The following POU6F2 variants were observed in gnomAD, a reference collection of about 807,000 sequenced individuals.
POU6F2 encodes POU class 6 homeobox 2.
In POU6F2, 31 loss-of-function variants were observed where a neutral mutation model predicts 71.3. The observed-to-expected ratio is 0.43, with a 90% confidence interval of 0.33 to 0.59. The LOEUF (loss-of-function observed/expected upper bound fraction) is 0.59. Among genes scored for constraint, POU6F2 ranks in the 20% least tolerant of loss-of-function variants. The pLI is 0.04. For synonymous variants in POU6F2, 347 were observed against 355.7 expected, an observed-to-expected ratio of 0.98 and a Z score of 0.27; for missense variants, 783 against 856.8, an observed-to-expected ratio of 0.91 and a Z score of 1.07.
At chr7:39,338,227 C>A (rs1785822974) in intron 4 of POU6F2, among the ~76,000 whole-genome samples, 1 of 152,172 alleles carries the variant, frequency 6.6e-6, no homozygotes, top group Non-Finnish European at 1.5e-5. Context: ...TGCAGAAGAT[C>A]TAGGGAGGTC....
At chr7:39,439,976 A>G (rs1207439749) in intron 7 of POU6F2, among the ~76,000 whole-genome samples, 12 of 152,144 alleles carry the variant, frequency 7.9e-5, no homozygotes, top group Non-Finnish European at 1.6e-4. Context: ...TCTAGATTGA[A>G]AATTCTTTTC....
chr7:39,283,208 GATTATGTCATCC>G (rs879292323), intron 4 of POU6F2, among the ~76,000 whole-genome samples: 3 of 152,006 alleles, frequency 2.0e-5, no homozygotes, highest in Non-Finnish European at 4.4e-5. Context: ...TTATATATAA[GATTATGTCATCC>G]ATAAATACGG....
intron 2 of POU6F2, among the ~76,000 whole-genome samples, chr7:39,168,253 A>G (rs1793152074): frequency 6.6e-6 from 1 of 152,198 alleles, no homozygotes; most frequent in South Asian, 2.1e-4. Context: ...GCACCTTAAA[A>G]TTGTCCGAAC....
At chr7:39,254,305 G>A (rs533437917) in intron 4 of POU6F2, among the ~76,000 whole-genome samples, 134 of 152,102 alleles carry the variant, frequency 8.8e-4, no homozygotes, top group African/African-American at 2.9e-3. Context: ...TTAAAATACC[G>A]TCCCATCAGA....
chr7:39,199,788 A>C (rs536332781), intron 2 of POU6F2, among the ~76,000 whole-genome samples: 1 of 152,310 alleles, frequency 6.6e-6, no homozygotes, highest in African/African-American at 2.4e-5. Flanking sequence ...TCTGACAACC[A>C]GGTCTTATAA....
chr7:39,336,685 G>T (rs983280814), intron 4 of POU6F2, among the ~76,000 whole-genome samples: 20 of 152,150 alleles, frequency 1.3e-4, no homozygotes, highest in Admixed American at 1.2e-3. Flanking sequence ...TATGTGAACA[G>T]CAGTGAGTAA....
At chr7:39,186,077 GTA>G (rs564341193) in intron 2 of POU6F2, among the ~76,000 whole-genome samples, 1 of 152,042 alleles carries the variant, frequency 6.6e-6, no homozygotes, top group South Asian at 2.1e-4. Context: ...CGCGTGGCTG[GTA>G]TATTTTTTAT....
At chr7:39,051,805 C>T (rs1319631150) in intron 1 of POU6F2, among the ~76,000 whole-genome samples, 4 of 152,090 alleles carry the variant, frequency 2.6e-5, no homozygotes, top group Non-Finnish European at 4.4e-5. Flanking sequence ...AAGTGTTTGA[C>T]TCTAGATCCT....
At chr7:39,248,910 C>T (rs116028833) in intron 4 of POU6F2, among the ~76,000 whole-genome samples, 1,790 of 152,244 alleles carry the variant, frequency 0.012, 23 homozygotes, top group African/African-American at 0.038. Context: ...TCTCACACTG[C>T]CCCTGGGACA....
chr7:39,360,564 T>G (rs190912144), intron 5 of POU6F2, among the ~76,000 whole-genome samples: 1 of 152,104 alleles, frequency 6.6e-6, no homozygotes, highest in Non-Finnish European at 1.5e-5. Context: ...CAGAAAGGGG[T>G]CCAGATCCAG....
intron 2 of POU6F2, among the ~76,000 whole-genome samples, chr7:39,174,779 C>T (rs1181889968): frequency 6.6e-6 from 1 of 152,146 alleles, no homozygotes; most frequent in Non-Finnish European, 1.5e-5. Flanking sequence ...ACCCCACATC[C>T]TCTCCAGTTG....
At chr7:39,429,603 A>G (rs1349023821) in intron 6 of POU6F2, among the ~76,000 whole-genome samples, 1 of 152,196 alleles carries the variant, frequency 6.6e-6, no homozygotes, top group Non-Finnish European at 1.5e-5. Context: ...GCTGCTCTGC[A>G]GGAATCCTCG....
chr7:39,381,684 T>G (rs1427732911), intron 5 of POU6F2, among the ~76,000 whole-genome samples: 1 of 152,196 alleles, frequency 6.6e-6, no homozygotes, highest in Non-Finnish European at 1.5e-5. Context: ...AAAAGACTGA[T>G]TTGTACATAT....
At chr7:39,369,995 T>C (rs1400607461) in intron 5 of POU6F2, among the ~76,000 whole-genome samples, 1 of 152,150 alleles carries the variant, frequency 6.6e-6, no homozygotes, top group East Asian at 1.9e-4. Context: ...TTTTTATACA[T>C]TAGACATAAT....
intron 5 of POU6F2, among the ~76,000 whole-genome samples, chr7:39,361,506 C>G (rs1786388408): frequency 6.6e-6 from 1 of 152,118 alleles, no homozygotes; most frequent in Non-Finnish European, 1.5e-5. Context: ...GCATGCAGAC[C>G]TACTAAAATG....
chr7:39,390,429 G>A (rs1019774798), intron 5 of POU6F2, among the ~76,000 whole-genome samples: 4 of 152,124 alleles, frequency 2.6e-5, no homozygotes, highest in African/African-American at 9.7e-5. Context: ...TGTGATGGTC[G>A]CTTAATGGTA....
chr7:39,428,478 A>T (rs1438175125), intron 6 of POU6F2, among the ~76,000 whole-genome samples: 1 of 152,248 alleles, frequency 6.6e-6, no homozygotes, highest in Non-Finnish European at 1.5e-5. Context: ...GGATCATTGC[A>T]AACAATGCCT....
rs1266704288 is a variant in POU6F2 at position 39,377,140 on chromosome 7, TA to T, written c.973-29459del. Among the ~76,000 whole-genome samples the T allele has an allele frequency of 2.0e-5, 3 of 149,674 alleles. No homozygotes were observed. The South Asian group carries it at 6.3e-4, about 31-fold the overall frequency. ...TTAAATATATTTATAATTATATATATATTTTTTTGAGATGGAGTCTCATTCT... is the reference window on the plus strand; with the variant it reads ...TTAAATATATTTATAATTATATATATTTTTTTTGAGATGGAGTCTCATTCT... On this transcript the variant is annotated intron_variant, in intron 5 of 9. Coordinates refer to ENST00000518318, the MANE Select transcript of POU6F2 (RefSeq NM_001370959.1).
chr7:39,461,940 G>A (rs1417752053), intron 9 of POU6F2, among the ~76,000 whole-genome samples: 1 of 152,174 alleles, frequency 6.6e-6, no homozygotes, highest in East Asian at 1.9e-4. Flanking sequence ...CAGCATCCAT[G>A]ATATGAATAC....
Sources: gnomAD v4.1 joint callset for allele counts (sites outside exome capture counted in the v4.1 genomes callset) on GRCh38, gnomAD v4.1.1 for gene constraint, MANE v1.5 for transcripts, NCBI Gene and HGNC (gene_info 2026-07-23, HGNC 2026-07-21) for gene names.